The following MOB1B variants were observed in gnomAD, a reference collection of about 807,000 sequenced individuals.
MOB1B encodes the protein MOB kinase activator 1B.
In MOB1B, 19 loss-of-function variants were observed where a neutral mutation model predicts 24.4. The ratio of observed to expected loss-of-function variants is 0.78; its 90% CI spans 0.54 to 1.14. MOB1B has a LOEUF of 1.14. Among genes scored for constraint, MOB1B ranks in the 50% most tolerant of loss-of-function variants. The probability of loss-of-function intolerance (pLI) is 0.00; values close to 1 mark genes in which losing one functional copy is unlikely to be tolerated. For missense variants in MOB1B, 243 were observed against 259.6 expected, an observed-to-expected ratio of 0.94 and a Z score of 0.44; for synonymous variants, 76 against 82.1, an observed-to-expected ratio of 0.93 and a Z score of 0.40.
At chr4:70,964,828 G>A (rs192246587) in intron 2 of MOB1B, among the ~76,000 whole-genome samples, 63 of 151,968 alleles carry the variant, frequency 4.1e-4, no homozygotes, top group African/African-American at 1.5e-3. Flanking sequence ...TACGTGGGAG[G>A]CTGAGGCAGG....
intron 2 of MOB1B, among the ~76,000 whole-genome samples, chr4:70,968,081 A>C (rs1389754620): frequency 6.6e-6 from 1 of 152,184 alleles, no homozygotes; most frequent in Non-Finnish European, 1.5e-5. Flanking sequence ...TCTGGGGCTC[A>C]AGTGATCCTC....
intron 1 of MOB1B, among the ~76,000 whole-genome samples, chr4:70,942,349 T>C (rs1737383122): frequency 6.6e-6 from 1 of 152,006 alleles, no homozygotes; most frequent in African/African-American, 2.4e-5. Flanking sequence ...AATATTCTAG[T>C]GGTCTATTAA....
chr4:70,945,820 A>G (rs963701334), intron 1 of MOB1B, among the ~76,000 whole-genome samples: 3 of 152,196 alleles, frequency 2.0e-5, no homozygotes, highest in African/African-American at 7.2e-5. Flanking sequence ...TCCTGAGGAA[A>G]ATTACCCCTG....
intron 2 of MOB1B, among the ~76,000 whole-genome samples, chr4:70,965,947 G>A (rs1239776534): frequency 2.7e-5 from 4 of 150,750 alleles, no homozygotes; most frequent in African/African-American, 4.9e-5. Context: ...TAAAAAATCT[G>A]AATAATCTTA....
intron 1 of MOB1B, among the ~76,000 whole-genome samples, chr4:70,911,013 C>G (rs1735962175): frequency 6.6e-6 from 1 of 152,178 alleles, no homozygotes; most frequent in Non-Finnish European, 1.5e-5. Flanking sequence ...TTCTGGAACT[C>G]CTGACCTTGT....
At position 70,983,353 on chromosome 4, in the gene MOB1B, T is replaced by C. The variant is rs1739277441; in HGVS notation, c.*1296T>C. On this transcript the variant is annotated 3_prime_UTR_variant, in exon 6 of 6. Coordinates refer to ENST00000309395, the MANE Select transcript of MOB1B (RefSeq NM_173468.4). Reference sequence around the variant, plus strand: ...GAAATGTTTTTCTTTGCAGCAGTATTAGATAATGAAAAATGCTAATTCAGT... The same window carrying C: ...GAAATGTTTTTCTTTGCAGCAGTATCAGATAATGAAAAATGCTAATTCAGT... 1 of 152,580 alleles carries C rather than the reference T, an allele frequency of 6.6e-6. No individual in the cohort carries two copies. Among genetic ancestry groups the C allele is most frequent in the South Asian group, 2.1e-4 (1 of 4,830 alleles). 9.5% of individuals were successfully genotyped at this position (152,580 alleles called of 1,614,324 possible).
chr4:70,979,389 C>T lies in MOB1B; in HGVS notation c.573+98C>T, dbSNP rs574478963. On this transcript the variant is annotated intron_variant, in intron 5 of 5. Coordinates refer to ENST00000309395, the MANE Select transcript of MOB1B (RefSeq NM_173468.4). ...TTCACACTGTCAGGATGGAATTTGC[C>T]ATATCTCTGTAGTCTGCATCCTCTT... The T allele has an allele frequency of 1.9e-5, 18 of 930,954 alleles. No individual in the cohort carries two copies. In the South Asian group the frequency reaches 2.4e-4, roughly 12 times the overall value. 57.7% of individuals were successfully genotyped at this position (930,954 alleles called of 1,614,324 possible). A position where few individuals can be genotyped will look rare whatever the true frequency, so the allele number is the denominator to read the frequency against.
At chr4:70,904,056 C>G (rs771059818) in intron 1 of MOB1B, among the ~76,000 whole-genome samples, 1 of 140,704 alleles carries the variant, frequency 7.1e-6, no homozygotes, top group Admixed American at 7.8e-5. Flanking sequence ...GATCTCGGCT[C>G]ACTGCAACCT....
intron 1 of MOB1B, among the ~76,000 whole-genome samples, chr4:70,926,916 A>G (rs6446946): frequency 0.95 from 143,348 of 151,462 alleles, 68,159 homozygotes; most frequent in Non-Finnish European, 0.99. Context: ...AGAATGGCGC[A>G]AACTCAGGAG....
At chr4:70,961,073 A>G (rs1444981264) in intron 2 of MOB1B, among the ~76,000 whole-genome samples, 3 of 152,140 alleles carry the variant, frequency 2.0e-5, no homozygotes, top group Admixed American at 6.6e-5. Context: ...TTTCCTATAC[A>G]CTACGTACCT....
At chr4:70,923,671 C>T (rs1354649773) in intron 1 of MOB1B, among the ~76,000 whole-genome samples, 4 of 151,742 alleles carry the variant, frequency 2.6e-5, no homozygotes, top group African/African-American at 7.3e-5. Context: ...ACAGTAGGGC[C>T]GGGTGCGGTG....
In MOB1B at chr4:70,987,312, A is replaced by G. The variant is rs947690532; in HGVS notation, c.*5255A>G. ...ATTAATATTAAATTGTTTTTTACTT[A>G]TAAATTCATGTTCTCATCTGATTTA... On this transcript the variant is annotated 3_prime_UTR_variant, in exon 6 of 6. Transcript: ENST00000309395. 2.0e-5 allele frequency: 3 copies of G among 151,954 alleles called. No homozygotes were observed. The highest frequency in any genetic ancestry group is 7.2e-5 in the African/African-American group (3 of 41,430). The allele number at this position is 151,954 out of a possible 1,614,324, so 9.4% of individuals were successfully genotyped here.
chr4:70,970,357 A>G (rs1045743789), intron 3 of MOB1B, among the ~76,000 whole-genome samples: 7 of 152,182 alleles, frequency 4.6e-5, no homozygotes, highest in African/African-American at 1.7e-4. Context: ...TTTTCTGTCA[A>G]TATTTCAAAA....
intron 1 of MOB1B, among the ~76,000 whole-genome samples, chr4:70,942,526 T>C (rs546251885): frequency 6.6e-6 from 1 of 152,278 alleles, no homozygotes; most frequent in East Asian, 1.9e-4. Flanking sequence ...ATAAATATGA[T>C]TAAAGCTTTC....
At chr4:70,920,262 C>G (rs1447220801) in intron 1 of MOB1B, among the ~76,000 whole-genome samples, 1 of 151,478 alleles carries the variant, frequency 6.6e-6, no homozygotes, top group Non-Finnish European at 1.5e-5. Flanking sequence ...CCTTCTCATT[C>G]TCCTTCTCCT....
In MOB1B at chr4:70,947,012, T is replaced by G. The variant is rs903790600; in HGVS notation, c.15-11862T>G. ...CTAGGGTGCTTCAAATGTAATTTAC[T>G]CATCTATCATAACAGTCCTTCAAAA... On this transcript the variant is annotated intron_variant, in intron 1 of 5. Transcript: ENST00000309395. Among the ~76,000 whole-genome samples the G allele has an allele frequency of 3.3e-5, 5 of 152,222 alleles. No individual in the cohort carries two copies. In the South Asian group the frequency reaches 8.3e-4, roughly 25 times the overall value.
intron 4 of MOB1B, chr4:70,976,605 CTTT>C (rs1397143956): frequency 1.0e-6 from 1 of 983,774 alleles, no homozygotes; most frequent in East Asian, 1.1e-4. Flanking sequence ...AATGTTAGAA[CTTT>C]TTGACATTTT....
chr4:70,940,129 C>T (rs1043619633), intron 1 of MOB1B, among the ~76,000 whole-genome samples: 10 of 152,032 alleles, frequency 6.6e-5, no homozygotes, highest in East Asian at 3.9e-4. Context: ...TTCCTCTCCA[C>T]GTCCAGCCGC....
At position 70,959,056 on chromosome 4, in the gene MOB1B, A is replaced by G; in HGVS notation, c.181+16A>G. ...GCAGTTAACAGTAAGTAGCCTTTTT[A>G]TTTCTCAGTAGCCTGTGAATTAGGG... is the stretch of plus-strand genomic sequence containing the variant. On this transcript the variant is annotated intron_variant, in intron 2 of 5. Coordinates refer to ENST00000309395, the MANE Select transcript of MOB1B (RefSeq NM_173468.4). 2.5e-6 allele frequency: 4 copies of G among 1,610,518 alleles called. No individual in the cohort carries two copies. The highest frequency in any genetic ancestry group is 2.2e-5 in the South Asian group (2 of 90,776).
Sources: gnomAD v4.1 joint callset for allele counts (sites outside exome capture counted in the v4.1 genomes callset) on GRCh38, gnomAD v4.1.1 for gene constraint, MANE v1.5 for transcripts, NCBI Gene and HGNC (gene_info 2026-07-23, HGNC 2026-07-21) for gene names.